NEB: variants seen among roughly 807,000 people sequenced by gnomAD.
NEB encodes the protein nemaline myopathy type 2.
A neutral mutation model predicts 952.2 loss-of-function variants in NEB; 512 were observed. That is an observed-to-expected ratio of 0.54 (90% CI 0.50 to 0.58). The LOEUF (loss-of-function observed/expected upper bound fraction) is 0.58. Ranked by LOEUF, NEB falls within the 20% of genes least tolerant of loss-of-function variation. The probability of loss-of-function intolerance (pLI) is 0.00; values close to 1 mark genes in which losing one functional copy is unlikely to be tolerated. For synonymous variants in NEB, 2,900 were observed against 3,149.8 expected, an observed-to-expected ratio of 0.92 and a Z score of 2.66; for missense variants, 8,428 against 9,231.1, an observed-to-expected ratio of 0.91 and a Z score of 3.56.
chr2:151,575,673 G>A (rs895908155), intron 107 of NEB, 22 bp downstream of exon 107: 1 of 1,488,450 alleles, frequency 6.7e-7, no homozygotes, highest in Non-Finnish European at 9.4e-7. Flanking sequence ...CAAACAAAAA[G>A]AGAGTCTGTT....
intron 105 of NEB, among the ~76,000 whole-genome samples, chr2:151,578,705 G>GGGAAGGAAGGAAGGAAGGAGGGAA (rs1368340188): frequency 6.9e-6 from 1 of 144,428 alleles, no homozygotes; most frequent in African/African-American, 2.6e-5. Flanking sequence ...GAGAGAAGGA[G>GGGAAGGAAGGAAGGAAGGAGGGAA]GGAAGGAAGG....
At chr2:151,628,166 C>T (rs936505058) in intron 68 of NEB, among the ~76,000 whole-genome samples, 4 of 152,300 alleles carry the variant, frequency 2.6e-5, no homozygotes, top group Middle Eastern at 6.8e-3. Flanking sequence ...GAAGATCTTT[C>T]GGTACTGTGT....
At position 151,496,293 on chromosome 2, in the gene NEB, G is replaced by A; in HGVS notation, c.24469C>T (p.Gln8157Ter). 6.2e-7 allele frequency: 1 copy of A among 1,610,028 alleles called. No homozygotes were observed. Among genetic ancestry groups the A allele is most frequent in the South Asian group, 1.1e-5 (1 of 90,382 alleles). ...TPEMERVKHNQENISSVLYKE... is the reference protein window; with the variant it reads ...TPEMERVKHN Reference sequence around the variant, plus strand: ...CCAAGTACCGAGCTAATATTTTCTTGATTGTGTTTGACTCGCTCCATCTCG... The same window carrying A: ...CCAAGTACCGAGCTAATATTTTCTTAATTGTGTTTGACTCGCTCCATCTCG... Residue 8157 changes from glutamine to a stop codon, truncating the protein, a stop_gained, in exon 173 of 182, where the codon CAA (glutamine) becomes TAA (stop). Transcript: ENST00000397345. LOFTEE classifies it high-confidence loss of function.
At position 151,506,127 on chromosome 2, in the gene NEB, A is replaced by T. The variant is rs376507321; in HGVS notation, c.23649+39T>A. ...TAGGTCATTGTAAATTATCAAAGGG[A>T]GGCAGAAAATATTGCAAGTGCATTC... On this transcript the variant is annotated intron_variant, in intron 164 of 181. Coordinates refer to ENST00000397345, the MANE Select transcript of NEB (RefSeq NM_001164508.2). 3.3e-5 allele frequency: 50 copies of T among 1,499,150 alleles called. No homozygotes were observed. In the African/African-American group the frequency reaches 6.5e-4, roughly 19 times the overall value. 92.9% of individuals were successfully genotyped at this position (1,499,150 alleles called of 1,614,324 possible).
chr2:151,731,374 A>G (rs1249432472), intron 3 of NEB, among the ~76,000 whole-genome samples: 1 of 152,192 alleles, frequency 6.6e-6, no homozygotes, highest in African/African-American at 2.4e-5. Flanking sequence ...AGAGAACAGT[A>G]AAACTTTATT....
chr2:151,516,644 A>G (rs1575822385), intron 156 of NEB, 81 bp from the exon 157 acceptor site: 11 of 916,536 alleles, frequency 1.2e-5, no homozygotes, highest in Middle Eastern at 2.2e-4. Context: ...TTTTTAATTG[A>G]TATGTTCTGT....
At chr2:151,505,443 G>A (rs1261776514) in intron 165 of NEB, 35 bp downstream of exon 165, 1 of 1,556,982 alleles carries the variant, frequency 6.4e-7, no homozygotes, top group Non-Finnish European at 8.9e-7. Context: ...GAGATGGCCA[G>A]TCACACAAAT....
chr2:151,494,563 A>G (rs2058818566), intron 173 of NEB, among the ~76,000 whole-genome samples: 1 of 152,108 alleles, frequency 6.6e-6, no homozygotes, highest in African/African-American at 2.4e-5. Flanking sequence ...GATGATCCAA[A>G]CAGGAGTTAC....
In NEB at chr2:151,516,546, C is replaced by T; in HGVS notation, c.22818G>A (p.Lys7606=). 6.2e-7 allele frequency: 1 copy of T among 1,610,296 alleles called. No individual in the cohort carries two copies. The highest frequency in any genetic ancestry group is 2.2e-5 in the East Asian group (1 of 44,838). ...TGGGTTTTCCTCGTTCCTTTTCATA[C>T]TTTTCTTTGTATTTCACCTGGTGAT... The part of the protein sequence containing the change: ...ELQSIVKYKE[K]YEKERGKPML... Residue 7606 remains lysine, a synonymous_variant, in exon 157 of 182, where the codon AAG becomes AAA. Transcript: ENST00000397345.
At chr2:151,621,432 G>A (rs1574032567) in intron 71 of NEB, among the ~76,000 whole-genome samples, 1 of 152,284 alleles carries the variant, frequency 6.6e-6, no homozygotes, top group South Asian at 2.1e-4. Context: ...ACCACTAGGA[G>A]GATGTGTCCA....
intron 72 of NEB, among the ~76,000 whole-genome samples, chr2:151,620,518 C>T (rs1432945525): frequency 6.6e-6 from 1 of 151,712 alleles, no homozygotes; most frequent in Admixed American, 6.6e-5. Flanking sequence ...TGGTTCTGTG[C>T]ACCACATAGA....
Position 151,546,485 on chromosome 2 carries a change from G to A in NEB, c.20368-42C>T, listed in dbSNP as rs1425454920. On this transcript the variant is annotated intron_variant, in intron 133 of 181. Coordinates refer to ENST00000397345, the MANE Select transcript of NEB (RefSeq NM_001164508.2). ...GAAATATAGCTGGTCATAAGCAAATGTAAGTCAGGAAACACAAAAGATGGA... is the reference window on the plus strand; with the variant it reads ...GAAATATAGCTGGTCATAAGCAAATATAAGTCAGGAAACACAAAAGATGGA... 6.1e-6 allele frequency: 8 copies of A among 1,310,046 alleles called. No individual in the cohort carries two copies. In the East Asian group the frequency reaches 1.4e-4, roughly 23 times the overall value. The allele number at this position is 1,310,046 out of a possible 1,614,324, so 81.2% of individuals were successfully genotyped here.
chr2:151,666,050 C>T (rs2099213281), intron 41 of NEB, 40 bp downstream of exon 41: 1 of 1,554,466 alleles, frequency 6.4e-7, no homozygotes, highest in South Asian at 1.2e-5. Flanking sequence ...TTTCCTCCCA[C>T]CCATTAGAAA....
chr2:151,507,926 A>C, intron 162 of NEB, 79 bp downstream of exon 162: 1 of 1,009,642 alleles, frequency 9.9e-7, no homozygotes, highest in Non-Finnish European at 1.5e-6. Context: ...CCCCACTGCA[A>C]GCCTGGGATA....
Position 151,614,574 on chromosome 2 carries a change from T to C in NEB, c.11303A>G (p.Glu3768Gly). Residue 3768 changes from glutamate to glycine, a missense_variant, in exon 77 of 182, where the codon GAA (glutamate) becomes GGA (glycine). Physicochemically the swap from Glu to Gly is moderately conservative, Grantham distance 98. Around this residue, in one of 11 missense-constraint regions of NEB, gnomAD observed 1,772 missense variants for 1,960.3 expected, o/e 0.90. Coordinates refer to ENST00000397345, the MANE Select transcript of NEB (RefSeq NM_001164508.2). Reference protein sequence around the residue: ...RDIASDYKYKEGYRKQLGHHI... With the variant: ...RDIASDYKYKGGYRKQLGHHI... ...GTGGCCAAGCTGTTTGCGGTAGCCT[T>C]CCTTGTACTTGTACTAAAAAAATAG... 6.2e-7 allele frequency: 1 copy of C among 1,613,030 alleles called. No individual in the cohort carries two copies.
chr2:151,536,509 G>T (rs2093230476), intron 141 of NEB, among the ~76,000 whole-genome samples: 1 of 152,146 alleles, frequency 6.6e-6, no homozygotes, highest in East Asian at 1.9e-4. Flanking sequence ...CTAAGAGCAG[G>T]TGTGGGGTAT....
chr2:151,644,150 T>C (rs1475959185), intron 56 of NEB, 21 bp from the exon 57 acceptor site: 1 of 1,604,240 alleles, frequency 6.2e-7, no homozygotes, highest in East Asian at 2.2e-5. Flanking sequence ...AAAATGTGTC[T>C]CATTCCTTTC....
chr2:151,594,406 T>C (rs1324770635), intron 92 of NEB, 88 bp from the exon 93 acceptor site: 22 of 1,364,578 alleles, frequency 1.6e-5, no homozygotes, highest in Non-Finnish European at 2.0e-5. Flanking sequence ...CAGTATGTTT[T>C]CTTAGCCTTG....
intron 108 of NEB, 36 bp from the exon 109 acceptor site, chr2:151,570,428 A>G (rs756336950): frequency 6.3e-7 from 1 of 1,584,078 alleles, no homozygotes; most frequent in Non-Finnish European, 8.6e-7. Context: ...GGGTCACAGC[A>G]TGTCCTCTTG....
Sources: allele counts gnomAD v4.1 joint callset (sites outside exome capture counted in the v4.1 genomes callset), GRCh38; gene constraint gnomAD v4.1.1; regional missense constraint gnomAD v4.1.1; transcripts MANE v1.5; gene names NCBI Gene and HGNC (gene_info 2026-07-23, HGNC 2026-07-21).